Variants in SPPL2B observed in about 807,000 individuals in gnomAD.
The protein encoded by SPPL2B is signal peptide peptidase-like 2B.
A neutral mutation model predicts 59.7 loss-of-function variants in SPPL2B; 39 were observed. That is an observed-to-expected ratio of 0.65 (90% CI 0.51 to 0.85). The LOEUF (loss-of-function observed/expected upper bound fraction) is 0.85. SPPL2B is among the 40% of genes least tolerant of loss of function. The probability of loss-of-function intolerance (pLI) is 0.00; values close to 1 mark genes in which losing one functional copy is unlikely to be tolerated. For missense variants in SPPL2B, 865 were observed against 849.0 expected, an observed-to-expected ratio of 1.02 and a Z score of -0.23; for synonymous variants, 419 against 370.8, an observed-to-expected ratio of 1.13 and a Z score of -1.49.
intron 2 of SPPL2B, among the ~76,000 whole-genome samples, chr19:2,336,900 T>TGG (rs1253128455): frequency 9.9e-6 from 1 of 101,410 alleles, no homozygotes; most frequent in Admixed American, 1.0e-4. Context: ...TGGCTGTGGG[T>TGG]GTGTGTGTGT....
At position 2,337,015 on chromosome 19, in the gene SPPL2B, CGTGTGT is replaced by C. The variant is rs879485717; in HGVS notation, c.187-422_187-417del. The C allele has an allele frequency of 1.2e-3, 204 of 164,730 alleles. 2 individuals are homozygous for C. The highest frequency in any genetic ancestry group is 2.9e-3 in the Middle Eastern group (1 of 350). 10.2% of individuals were successfully genotyped at this position (164,730 alleles called of 1,614,324 possible). On this transcript the variant is annotated intron_variant, in intron 2 of 14. Coordinates refer to ENST00000613503, the MANE Select transcript of SPPL2B (RefSeq NM_152988.3). ...GGCTGTGGGTGTGTGTGTGCGTGTG[CGTGTGT>C]GTGTGCGTGTGTGTCTTGGCTTCAG...
At position 2,353,475 on chromosome 19, in the gene SPPL2B, C is replaced by A. The variant is rs578113983; in HGVS notation, c.*266C>A. On this transcript the variant is annotated 3_prime_UTR_variant, in exon 15 of 15. Coordinates refer to ENST00000613503, the MANE Select transcript of SPPL2B (RefSeq NM_152988.3). ...CGGGTCCATCCTCCCCACCGGGGTCCGTCCTCGCAGGCCCTGCCCGGCCTC... is the reference window on the plus strand; with the variant it reads ...CGGGTCCATCCTCCCCACCGGGGTCAGTCCTCGCAGGCCCTGCCCGGCCTC... The A allele has an allele frequency of 7.0e-6, 2 of 285,190 alleles. No individual in the cohort carries two copies. The highest frequency in any genetic ancestry group is 1.4e-5 in the Non-Finnish European group (2 of 145,312). 17.7% of individuals were successfully genotyped at this position (285,190 alleles called of 1,614,324 possible).
rs375023297 is a variant in SPPL2B at position 2,353,198 on chromosome 19, G to A, written c.1768G>A (p.Ala590Thr). ...GCCGTCCCCGGTAACCCAGCCTGGC[G>A]CCTCGGCCTAGGGGAGGGGTGAGAC... The part of the protein sequence containing the change: ...AQPSPVTQPG[A>T]SA The change falls in exon 15 of 15, where the codon GCC (alanine) becomes ACC (threonine). Residue 590 changes from alanine to threonine, a missense_variant. Ala to Thr is a moderately conservative substitution (Grantham distance 58). Coordinates refer to ENST00000613503, the MANE Select transcript of SPPL2B (RefSeq NM_152988.3). 1.7e-4 allele frequency: 273 copies of A among 1,600,688 alleles called. 1 individual carries two copies. In the African/African-American group the frequency reaches 2.2e-3, roughly 13 times the overall value.
intron 14 of SPPL2B, 125 bp downstream of exon 14, chr19:2,351,719 A>G (rs1210658273): frequency 3.0e-6 from 4 of 1,334,594 alleles, no homozygotes; most frequent in Middle Eastern, 2.1e-4. Context: ...GGGTCCTGGT[A>G]CCTTCTGCTT....
In SPPL2B at chr19:2,328,719, G is replaced by A; in HGVS notation, c.10G>A (p.Ala4Thr). 3 of 1,450,454 alleles carry A rather than the reference G, an allele frequency of 2.1e-6. No homozygotes were observed. The highest frequency in any genetic ancestry group is 2.8e-5 in the East Asian group (1 of 35,278). 89.8% of individuals were successfully genotyped at this position (1,450,454 alleles called of 1,614,324 possible). A position where few individuals can be genotyped will look rare whatever the true frequency, so the allele number is the denominator to read the frequency against. The change falls in exon 1 of 15, where the codon GCG becomes ACG. Residue 4 changes from alanine to threonine, a missense_variant. Ala to Thr is a moderately conservative substitution (Grantham distance 58, BLOSUM62 0). Transcript: ENST00000613503. MAAAVAAALARLLA... is the reference protein window; with the variant it reads MAATVAAALARLLA... ...GCGGGCACCGGCCGACATGGCGGCA[G>A]CGGTGGCGGCTGCGCTGGCGCGGCT... is the stretch of plus-strand genomic sequence containing the variant.
rs1165867073 is a variant in SPPL2B, at chr19:2,351,540, T to C, written c.1461T>C (p.Ala487=). Residue 487 remains alanine (A), a synonymous_variant, in exon 14 of 15, where the codon GCT becomes GCC. Transcript: ENST00000613503. ...CCTGCACGCTGGTGACGAGCTGCGC[T>C]GTGGCGCTCTGGCGCCGGGAGCTGG... ...LVPCTLVTSC[A]VALWRRELGV... 6 of 1,611,240 alleles carry C rather than the reference T, an allele frequency of 3.7e-6. No individual in the cohort carries two copies. The highest frequency in any genetic ancestry group is 2.2e-5 in the East Asian group (1 of 44,884).
chr19:2,338,469 A>G (rs1369513924), intron 3 of SPPL2B: 1 of 355,906 alleles, frequency 2.8e-6, no homozygotes, highest in East Asian at 5.8e-5. Context: ...CAGGACTTGT[A>G]TGTGCGGTTC....
At position 2,355,002 on chromosome 19, in the gene SPPL2B, C is replaced by T. The variant is rs1412673408; in HGVS notation, c.*1793C>T. Among the ~76,000 whole-genome samples the T allele has an allele frequency of 1.3e-5, 2 of 152,204 alleles. No individual in the cohort carries two copies. Among genetic ancestry groups the T allele is most frequent in the African/African-American group, 4.8e-5 (2 of 41,448 alleles). On this transcript the variant is annotated 3_prime_UTR_variant, in exon 15 of 15. Transcript: ENST00000613503. ...TCTGTGGGCCATGTGGTCCCTGTCA[C>T]GCTTCTCAGCTCTGCCACTGTTGCT... is the stretch of plus-strand genomic sequence containing the variant.
chr19:2,334,756 A>C (rs1369763251), intron 2 of SPPL2B, 35 bp downstream of exon 2: 9 of 1,500,698 alleles, frequency 6.0e-6, no homozygotes, highest in Admixed American at 2.3e-5. Flanking sequence ...GCTGCGGAGG[A>C]GAATGCGGGG....
chr19:2,341,334 C>T (rs973048991), intron 8 of SPPL2B: 5 of 552,684 alleles, frequency 9.0e-6, no homozygotes, highest in African/African-American at 1.9e-5. Flanking sequence ...AGTCTGTCCC[C>T]CGCTGTCCCT....
rs777839132 is a variant in SPPL2B, at chr19:2,353,125, G to A, written c.1695G>A (p.Met565Ile). ...AGGAGATGGGGGCTGGAGCCCCCAT[G>A]CGGGAGCCTGGGAGCCCAGCTGAAT... ...TSEEMGAGAPMREPGSPAESE... is the reference protein window; with the variant it reads ...TSEEMGAGAPIREPGSPAESE... Residue 565 changes from methionine (M) to isoleucine (I), a missense_variant, in exon 15 of 15, where the codon ATG becomes ATA. Met to Ile is a conservative substitution (Grantham distance 10, BLOSUM62 1). Coordinates refer to ENST00000613503, the MANE Select transcript of SPPL2B (RefSeq NM_152988.3). 2 of 1,610,772 alleles carry A rather than the reference G, an allele frequency of 1.2e-6. No homozygotes were observed.
chr19:2,333,443 C>T (rs903949636), intron 1 of SPPL2B, among the ~76,000 whole-genome samples: 5 of 152,202 alleles, frequency 3.3e-5, no homozygotes, highest in African/African-American at 4.8e-5. Flanking sequence ...CGGTGGGAGG[C>T]GTGGTGAGCA....
chr19:2,336,246 T>C (rs1460405703), intron 2 of SPPL2B, among the ~76,000 whole-genome samples: 1 of 151,472 alleles, frequency 6.6e-6, no homozygotes, highest in East Asian at 1.9e-4. Context: ...TGAGTGTGCA[T>C]GCAATAGTTT....
At chr19:2,343,325 C>T in intron 9 of SPPL2B, 33 bp downstream of exon 9, 4 of 1,516,428 alleles carry the variant, frequency 2.6e-6, no homozygotes, top group Admixed American at 2.0e-5. Flanking sequence ...TGCGGGGCAG[C>T]ATGGGTAGTG....
intron 10 of SPPL2B, 47 bp downstream of exon 10, chr19:2,344,086 GC>G: frequency 1.0e-6 from 1 of 983,752 alleles, no homozygotes. Context: ...CCGCTCCCCC[GC>G]CCCCTCGCAA....
rs534761735 is a variant in SPPL2B at position 2,353,089 on chromosome 19, A to C, written c.1659A>C (p.Ser553=). The change falls in exon 15 of 15, where the codon TCA becomes TCC. Residue 553 remains serine, a synonymous_variant. Coordinates refer to ENST00000613503, the MANE Select transcript of SPPL2B (RefSeq NM_152988.3). ...SPWPAEQSPK[S]RTSEEMGAGA... Reference sequence around the variant, plus strand: ...GGCCTGCTGAGCAGTCCCCAAAATCACGCACGTCCGAGGAGATGGGGGCTG... The same window carrying C: ...GGCCTGCTGAGCAGTCCCCAAAATCCCGCACGTCCGAGGAGATGGGGGCTG... The C allele has an allele frequency of 6.2e-7, 1 of 1,611,084 alleles. No homozygotes were observed. The highest frequency in any genetic ancestry group is 8.5e-7 in the Non-Finnish European group (1 of 1,179,278).
At chr19:2,337,781 G>A in intron 3 of SPPL2B, 156 bp downstream of exon 3, 1 of 745,978 alleles carries the variant, frequency 1.3e-6, no homozygotes, top group Non-Finnish European at 2.1e-6. Flanking sequence ...ACATGGGGAG[G>A]ATCCGGGCCG....
intron 13 of SPPL2B, 29 bp downstream of exon 13, chr19:2,345,359 C>G (rs776448182): frequency 1.3e-6 from 2 of 1,598,168 alleles, no homozygotes; most frequent in Non-Finnish European, 1.7e-6. Flanking sequence ...CCCGTGCTGG[C>G]CTCTCTGGCT....
In SPPL2B at chr19:2,336,737, C is replaced by T. The variant is rs182589784; in HGVS notation, c.187-706C>T. ...GTGTGCATATGTGTGCCATGTGGTC[C>T]GGCCTGGCTGTGTATGTGTGCACGT... is the stretch of plus-strand genomic sequence containing the variant. On this transcript the variant is annotated intron_variant, in intron 2 of 14. Coordinates refer to ENST00000613503, the MANE Select transcript of SPPL2B (RefSeq NM_152988.3). Among the ~76,000 whole-genome samples, 333 of 149,604 alleles carry T rather than the reference C, an allele frequency of 2.2e-3. 3 individuals are homozygous for T. Among genetic ancestry groups the T allele is most frequent in the Admixed American group, 4.4e-3 (66 of 15,034 alleles).
Sources: allele counts gnomAD v4.1 joint callset (sites outside exome capture counted in the v4.1 genomes callset), GRCh38; gene constraint gnomAD v4.1.1; transcripts MANE v1.5; gene names NCBI Gene and HGNC (gene_info 2026-07-23, HGNC 2026-07-21).